ERN1: variants seen among roughly 807,000 people sequenced by gnomAD.
ERN1 encodes the protein endoplasmic reticulum to nucleus signaling 1.
A neutral mutation model predicts 113.1 loss-of-function variants in ERN1; 39 were observed. The ratio of observed to expected loss-of-function variants is 0.34; its 90% CI spans 0.27 to 0.45. The LOEUF (loss-of-function observed/expected upper bound fraction) is 0.45, where lower values mean the gene tolerates loss of function less well. Among genes scored for constraint, ERN1 ranks in the 20% least tolerant of loss-of-function variants. The probability of loss-of-function intolerance (pLI) is 1.00; values close to 1 mark genes in which losing one functional copy is unlikely to be tolerated. For missense variants in ERN1, 976 were observed against 1,274.8 expected, an observed-to-expected ratio of 0.77 and a Z score of 3.57; for synonymous variants, 507 against 515.9, an observed-to-expected ratio of 0.98 and a Z score of 0.23.
At chr17:64,101,376 C>T (rs973400681) in intron 1 of ERN1, among the ~76,000 whole-genome samples, 16 of 151,802 alleles carry the variant, frequency 1.1e-4, no homozygotes, top group African/African-American at 3.4e-4. Flanking sequence ...CGCCACTGTA[C>T]GCCAGCCTGG....
At chr17:64,102,010 TG>T (rs1282468325) in intron 1 of ERN1, among the ~76,000 whole-genome samples, 1 of 152,066 alleles carries the variant, frequency 6.6e-6, no homozygotes, top group Non-Finnish European at 1.5e-5. Context: ...CCGGGACCGG[TG>T]GCTCATGCCT....
intron 6 of ERN1, among the ~76,000 whole-genome samples, chr17:64,070,902 C>A (rs770056439): frequency 5.9e-5 from 9 of 152,188 alleles, no homozygotes; most frequent in Non-Finnish European, 1.3e-4. Context: ...CCCACCCATT[C>A]ATACATTCAA....
intron 2 of ERN1, among the ~76,000 whole-genome samples, chr17:64,091,420 C>T (rs909946909): frequency 6.6e-6 from 1 of 152,170 alleles, no homozygotes; most frequent in Admixed American, 6.5e-5. Flanking sequence ...GCATCAAGTG[C>T]CTTGGACATT....
At chr17:64,081,134 G>A (rs1055300771) in intron 2 of ERN1, among the ~76,000 whole-genome samples, 5 of 152,158 alleles carry the variant, frequency 3.3e-5, no homozygotes, top group African/African-American at 4.8e-5. Context: ...ACCACACACC[G>A]TGGACAAGGG....
At chr17:64,045,845 G>C (rs1305826258) in intron 19 of ERN1, among the ~76,000 whole-genome samples, 1 of 152,178 alleles carries the variant, frequency 6.6e-6, no homozygotes, top group South Asian at 2.1e-4. Flanking sequence ...GCTCAGATTT[G>C]ATGTGCATCC....
At chr17:64,068,412 C>T (rs1913307169) in intron 6 of ERN1, 121 bp from the exon 7 acceptor site, 3 of 685,968 alleles carry the variant, frequency 4.4e-6, no homozygotes, top group Non-Finnish European at 2.6e-6. Context: ...AAAGTCCAGA[C>T]TATCCATGTC....
In ERN1 at chr17:64,063,307, A is replaced by G. The variant is rs1913110664; in HGVS notation, c.1087+679T>C. Reference sequence around the variant, plus strand: ...GACTTGGCACACTTGCCAGGAACACAGCTCTTCTCACTTCCGCCTTCGTTT... The same window carrying G: ...GACTTGGCACACTTGCCAGGAACACGGCTCTTCTCACTTCCGCCTTCGTTT... On this transcript the variant is annotated intron_variant, in intron 10 of 21. Transcript: ENST00000433197. The surrounding 1 kb of genome is among the most constrained non-coding windows in gnomAD (Gnocchi z 5.1). Among the ~76,000 whole-genome samples, 2 of 152,234 alleles carry G rather than the reference A, an allele frequency of 1.3e-5. No homozygotes were observed. Among genetic ancestry groups the G allele is most frequent in the Admixed American group, 1.3e-4 (2 of 15,282 alleles).
chr17:64,044,931 GA>G lies in ERN1; in HGVS notation c.2654-5del. 3.2e-6 allele frequency: 5 copies of G among 1,580,610 alleles called. No individual in the cohort carries two copies. Among genetic ancestry groups the G allele is most frequent in the Non-Finnish European group, 4.3e-6 (5 of 1,159,870 alleles). On this transcript the variant is annotated splice_polypyrimidine_tract_variant and splice_region_variant and intron_variant, in intron 20 of 21. Transcript: ENST00000433197. This position sits in a 1 kb window ranked among gnomAD's most constrained non-coding sequence, Gnocchi z 4.1. ...TAGGTCCTGAATTTACGCAGGTCTA[GA>G]AAAACATTGAGGGAAGCAATGGGTA...
chr17:64,112,700 C>T (rs1914707048), intron 1 of ERN1, among the ~76,000 whole-genome samples: 1 of 152,230 alleles, frequency 6.6e-6, no homozygotes, highest in Admixed American at 6.5e-5. Flanking sequence ...CAGCTGAACA[C>T]ATGGAGATTC....
intron 2 of ERN1, among the ~76,000 whole-genome samples, chr17:64,087,416 C>T (rs912317375): frequency 2.6e-5 from 4 of 152,214 alleles, no homozygotes; most frequent in African/African-American, 9.7e-5. Context: ...GCCATACCCC[C>T]AGGACCTGCT....
intron 1 of ERN1, among the ~76,000 whole-genome samples, chr17:64,125,902 G>A (rs1282092661): frequency 6.6e-6 from 1 of 152,108 alleles, no homozygotes; most frequent in Non-Finnish European, 1.5e-5. Flanking sequence ...ATGTTCTGTG[G>A]GGAAAAAGTG....
chr17:64,064,114 T>C lies in ERN1; in HGVS notation c.959A>G (p.Gln320Arg), dbSNP rs765918978. Residue 320 changes from glutamine (Q) to arginine (R), a missense_variant, in exon 10 of 22, where the codon CAG becomes CGG. Gln to Arg is a conservative substitution (Grantham distance 43). This residue lies in a region of ERN1 where 459 missense variants were observed against 581.2 expected (regional missense o/e 0.79). Transcript: ENST00000433197. The part of the protein sequence containing the change: ...GSTLPLLEGP[Q>R]TDGVTIGDKG... ...GTCCCCAATGGTGACGCCATCAGTC[T>C]GGGGCCCTTCCAGCAAAGGAAGTGT... 3 of 1,609,194 alleles carry C rather than the reference T, an allele frequency of 1.9e-6. No homozygotes were observed. Among genetic ancestry groups the C allele is most frequent in the South Asian group, 1.1e-5 (1 of 90,290 alleles).
intron 11 of ERN1, 136 bp downstream of exon 11, chr17:64,060,333 T>G: frequency 1.5e-6 from 1 of 645,894 alleles, no homozygotes; most frequent in Non-Finnish European, 2.8e-6. Flanking sequence ...CATTTATGTT[T>G]TTTGCTTTGG....
intron 5 of ERN1, 104 bp from the exon 6 acceptor site, chr17:64,072,207 T>G: frequency 8.0e-7 from 1 of 1,243,622 alleles, no homozygotes; most frequent in Non-Finnish European, 1.1e-6. Context: ...TAGACCTGAA[T>G]TTCTTAGGAT....
chr17:64,100,638 G>A (rs1388227018), intron 1 of ERN1, among the ~76,000 whole-genome samples: 1 of 152,114 alleles, frequency 6.6e-6, no homozygotes, highest in African/African-American at 2.4e-5. Flanking sequence ...AGGCATGGTG[G>A]CATGTGCCTG....
At chr17:64,080,205 G>T (rs1459175527) in intron 3 of ERN1, among the ~76,000 whole-genome samples, 1 of 152,216 alleles carries the variant, frequency 6.6e-6, no homozygotes, top group East Asian at 1.9e-4. Flanking sequence ...AATAAAAGCA[G>T]ACTCTAACAG....
intron 1 of ERN1, among the ~76,000 whole-genome samples, chr17:64,127,597 T>C (rs1388743618): frequency 6.6e-6 from 1 of 151,806 alleles, no homozygotes; most frequent in African/African-American, 2.4e-5. Context: ...CTACTAAAAA[T>C]ACAAAAATTA....
Position 64,043,209 on chromosome 17 carries a change from C to T in ERN1, c.*779G>A, listed in dbSNP as rs16947383. 0.29 allele frequency: 43,529 copies of T among 152,624 alleles called. 6,401 individuals carry two copies. Among genetic ancestry groups the T allele is most frequent in the East Asian group, 0.35 (1,858 of 5,304 alleles). 9.5% of individuals were successfully genotyped at this position (152,624 alleles called of 1,614,324 possible). A position where few individuals can be genotyped will look rare whatever the true frequency, so the allele number is the denominator to read the frequency against. The stretch of plus-strand genomic sequence containing the variant: ...GGCCAGGGAACTCTTTACCTCTTGC[C>T]CCAGGCGCTCCTGAGCACCACCCCG... On this transcript the variant is annotated 3_prime_UTR_variant, in exon 22 of 22. Transcript: ENST00000433197.
chr17:64,079,190 G>GT (rs955941990), intron 4 of ERN1, among the ~76,000 whole-genome samples: 1 of 152,082 alleles, frequency 6.6e-6, no homozygotes, highest in Non-Finnish European at 1.5e-5. Flanking sequence ...TCCTAATGCT[G>GT]TTTTTTCGAA....
Sources: gnomAD v4.1 joint callset for allele counts (sites outside exome capture counted in the v4.1 genomes callset) on GRCh38, gnomAD v4.1.1 for gene constraint, gnomAD v4.1.1 regional missense constraint, Gnocchi (gnomAD v3.1) non-coding constraint, MANE v1.5 for transcripts, NCBI Gene and HGNC (gene_info 2026-07-23, HGNC 2026-07-21) for gene names.